The following NPAS3 variants were observed in gnomAD, a reference collection of about 807,000 sequenced individuals.
NPAS3 encodes the protein neuronal PAS domain protein 3.
In NPAS3, 14 loss-of-function variants were observed where a neutral mutation model predicts 73.1. The observed-to-expected ratio is 0.19, with a 90% CI of 0.13 to 0.30. The LOEUF is 0.30. Ranked by LOEUF, NPAS3 falls within the 10% of genes least tolerant of loss-of-function variation. NPAS3 has a pLI of 1.00. For synonymous variants in NPAS3, 620 were observed against 541.5 expected (o/e 1.14, Z -2.01); for missense variants, 1,096 against 1,250.0 (o/e 0.88, Z 1.86).
intron 2 of NPAS3, among the ~76,000 whole-genome samples, chr14:33,208,384 T>C (rs1007279517): frequency 6.6e-6 from 1 of 152,170 alleles, no homozygotes; most frequent in Non-Finnish European, 1.5e-5. Flanking sequence ...AAAATGCTCA[T>C]TGGCTAAAAC....
intron 1 of NPAS3, among the ~76,000 whole-genome samples, chr14:32,941,931 A>G (rs1322605875): frequency 1.3e-5 from 2 of 152,222 alleles, no homozygotes; most frequent in East Asian, 3.9e-4. Flanking sequence ...AAGTGTAAAC[A>G]TTACACATGT....
At chr14:33,567,981 A>T (rs1365161318) in intron 5 of NPAS3, among the ~76,000 whole-genome samples, 1 of 152,226 alleles carries the variant, frequency 6.6e-6, no homozygotes, top group African/African-American at 2.4e-5. Flanking sequence ...GAATCTCAGG[A>T]TAATTCAAGA....
intron 7 of NPAS3, among the ~76,000 whole-genome samples, chr14:33,765,297 TAA>T (rs10552866): frequency 0.19 from 27,398 of 145,228 alleles, 2,634 homozygotes; most frequent in South Asian, 0.27. Flanking sequence ...ATTTCTGCAT[TAA>T]AAAAAAAAAA....
intron 1 of NPAS3, among the ~76,000 whole-genome samples, chr14:33,026,879 A>T (rs1244361191): frequency 6.6e-6 from 1 of 151,418 alleles, no homozygotes; most frequent in African/African-American, 2.4e-5. Flanking sequence ...TCCCCCCTAC[A>T]CCCCTTTCCC....
At chr14:33,212,069 GT>G (rs1433435108) in intron 2 of NPAS3, among the ~76,000 whole-genome samples, 1 of 152,140 alleles carries the variant, frequency 6.6e-6, no homozygotes, top group East Asian at 1.9e-4. Flanking sequence ...TTTATTTTGG[GT>G]TTTAATATAG....
At chr14:33,096,977 G>A (rs2042438118) in intron 2 of NPAS3, among the ~76,000 whole-genome samples, 1 of 152,204 alleles carries the variant, frequency 6.6e-6, no homozygotes. Context: ...AAATAAAAAT[G>A]TAATGCCTGC....
intron 2 of NPAS3, among the ~76,000 whole-genome samples, chr14:33,078,532 CAA>C (rs200285065): frequency 3.8e-3 from 241 of 63,354 alleles, no homozygotes; most frequent in African/African-American, 9.7e-3. Context: ...AAAACAAAAC[CAA>C]AAAAAAAAAA....
chr14:33,275,241 G>T (rs2041276574), intron 3 of NPAS3, among the ~76,000 whole-genome samples: 1 of 152,086 alleles, frequency 6.6e-6, no homozygotes, highest in African/African-American at 2.4e-5. Context: ...GTTTTTTGTG[G>T]TTCCCTGCAG....
At chr14:33,330,032 CAGG>C (rs1048124170) in intron 3 of NPAS3, among the ~76,000 whole-genome samples, 13 of 152,114 alleles carry the variant, frequency 8.5e-5, no homozygotes, top group African/African-American at 3.1e-4. Context: ...GATCACTTGT[CAGG>C]AGTTCGAGAC....
At chr14:33,737,212 C>G (rs1049474588) in intron 7 of NPAS3, among the ~76,000 whole-genome samples, 1 of 152,086 alleles carries the variant, frequency 6.6e-6, no homozygotes, top group Non-Finnish European at 1.5e-5. Flanking sequence ...CAGGAGGCCA[C>G]TTTAAATAGG....
At chr14:33,730,550 C>T (rs2061374230) in intron 6 of NPAS3, among the ~76,000 whole-genome samples, 1 of 152,220 alleles carries the variant, frequency 6.6e-6, no homozygotes, top group African/African-American at 2.4e-5. Flanking sequence ...AGCAGCACAT[C>T]ATGACTGGCT....
At chr14:33,642,469 ATCTT>A (rs1343484421) in intron 5 of NPAS3, among the ~76,000 whole-genome samples, 4 of 152,152 alleles carry the variant, frequency 2.6e-5, no homozygotes, top group Non-Finnish European at 5.9e-5. Context: ...GGAATGTTTA[ATCTT>A]TCTTATGGCA....
intron 7 of NPAS3, 46 bp downstream of exon 7, chr14:33,735,378 C>G: frequency 3.0e-6 from 4 of 1,331,318 alleles, no homozygotes; most frequent in Non-Finnish European, 4.3e-6. Context: ...CAGGCCAGTC[C>G]TAGGTAATTT....
intron 1 of NPAS3, among the ~76,000 whole-genome samples, chr14:32,962,430 T>C (rs771234254): frequency 6.6e-6 from 1 of 152,144 alleles, no homozygotes; most frequent in African/African-American, 2.4e-5. Flanking sequence ...ACTGTGTTTA[T>C]AAATGGTAGC....
rs563659407 is a variant in NPAS3, at chr14:33,546,342, A to G, written c.469-13779A>G. On this transcript the variant is annotated intron_variant, in intron 4 of 11. Transcript: ENST00000356141. Reference sequence around the variant, plus strand: ...TCAGCCCATGTCCTCCAACACCGCAACACTTCCTCTACCAGGCATCACCCT... The same window carrying G: ...TCAGCCCATGTCCTCCAACACCGCAGCACTTCCTCTACCAGGCATCACCCT... Among the ~76,000 whole-genome samples the G allele has an allele frequency of 1.8e-4, 27 of 152,296 alleles. 2 individuals are homozygous for G. The highest frequency in any genetic ancestry group is 1.6e-3 in the Admixed American group (25 of 15,294).
intron 3 of NPAS3, among the ~76,000 whole-genome samples, chr14:33,247,190 T>C (rs1327110394): frequency 6.6e-6 from 1 of 152,156 alleles, no homozygotes; most frequent in African/African-American, 2.4e-5. Flanking sequence ...TCTAAAGTAC[T>C]CTCCCCATTA....
chr14:33,583,025 G>T (rs938302414), intron 5 of NPAS3, among the ~76,000 whole-genome samples: 9 of 121,512 alleles, frequency 7.4e-5, no homozygotes, highest in African/African-American at 3.3e-4. Context: ...ATGCTGTAGT[G>T]AACCCTAGGT....
At chr14:33,512,438 C>A (rs1041254571) in intron 4 of NPAS3, among the ~76,000 whole-genome samples, 1 of 151,928 alleles carries the variant, frequency 6.6e-6, no homozygotes, top group Non-Finnish European at 1.5e-5. Flanking sequence ...ACATTAGTCA[C>A]GTATTTTACT....
intron 5 of NPAS3, among the ~76,000 whole-genome samples, chr14:33,674,032 A>AG (rs925429164): frequency 2.6e-5 from 4 of 152,184 alleles, no homozygotes; most frequent in Admixed American, 6.5e-5. Context: ...GGCCACAGGG[A>AG]GAAAAAGTCC....
Sources: gnomAD v4.1 joint callset for allele counts (sites outside exome capture counted in the v4.1 genomes callset) on GRCh38, gnomAD v4.1.1 for gene constraint, MANE v1.5 for transcripts, NCBI Gene and HGNC (gene_info 2026-07-23, HGNC 2026-07-21) for gene names.